Variants in ZBTB45 observed in about 807,000 individuals in gnomAD.
ZBTB45 encodes the protein zinc finger and BTB domain containing 45, also known as zinc finger and BTB domain-containing protein 45.
A neutral mutation model predicts 28.4 loss-of-function variants in ZBTB45; 22 were observed. That is an observed-to-expected ratio of 0.77 (90% CI 0.55 to 1.10). The LOEUF is 1.10. ZBTB45 is among the 50% of genes least tolerant of loss of function. ZBTB45 has a pLI of 0.00. For synonymous variants in ZBTB45, 361 were observed against 332.3 expected (o/e 1.09, Z -0.94); for missense variants, 656 against 750.2 (o/e 0.87, Z 1.47).
At chr19:58,531,040 T>C (rs1197409008) in intron 1 of ZBTB45, among the ~76,000 whole-genome samples, 1 of 152,188 alleles carries the variant, frequency 6.6e-6, no homozygotes, top group African/African-American at 2.4e-5. Flanking sequence ...TGCTGGATCG[T>C]GTTTAACTGT....
chr19:58,523,549 A>G (rs535359498), upstream of ZBTB45, among the ~76,000 whole-genome samples: 1 of 151,936 alleles, frequency 6.6e-6, no homozygotes, highest in Non-Finnish European at 1.5e-5. Context: ...CTGTAATCCC[A>G]ACTTCTCTGG....
chr19:58,529,356 A>C (rs1012558830), intron 1 of ZBTB45, among the ~76,000 whole-genome samples: 1 of 152,184 alleles, frequency 6.6e-6, no homozygotes, highest in Admixed American at 6.5e-5. Flanking sequence ...TGGCAGCCCG[A>C]GGAGGTTGAG....
At chr19:58,535,466 C>T (rs1288807137) in intron 1 of ZBTB45, among the ~76,000 whole-genome samples, 1 of 151,988 alleles carries the variant, frequency 6.6e-6, no homozygotes, top group African/African-American at 2.4e-5. Flanking sequence ...GAAACCTCGT[C>T]TCTACTAAAA....
At position 58,516,001 on chromosome 19, in the gene ZBTB45, A is replaced by G. The variant is rs1384525861; in HGVS notation, c.1279+394T>C. Among the ~76,000 whole-genome samples the G allele has an allele frequency of 3.3e-5, 5 of 152,254 alleles. No individual in the cohort carries two copies. Among genetic ancestry groups the G allele is most frequent in the South Asian group, 2.1e-4 (1 of 4,824 alleles). ...ACCCATCCTCCCTTGCTGCCAGCCTATAACGGGACAGCTGGAAACCAGAGA... is the reference window on the plus strand; with the variant it reads ...ACCCATCCTCCCTTGCTGCCAGCCTGTAACGGGACAGCTGGAAACCAGAGA... On this transcript the variant is annotated intron_variant, in intron 2 of 2. Transcript: ENST00000594051. This position sits in a 1 kb window ranked among gnomAD's most constrained non-coding sequence, Gnocchi z 6.2.
intron 1 of ZBTB45, chr19:58,519,514 A>C (rs1256195399): frequency 6.6e-6 from 1 of 152,334 alleles, no homozygotes; most frequent in Non-Finnish European, 1.5e-5. Context: ...CTTTACTCCG[A>C]GCGCGTTCTC....
chr19:58,523,998 C>A (rs1177315674), upstream of ZBTB45, among the ~76,000 whole-genome samples: 1 of 139,076 alleles, frequency 7.2e-6, no homozygotes, highest in Non-Finnish European at 1.5e-5. Flanking sequence ...CCCTTGAACC[C>A]AGGAGGTGGA....
chr19:58,518,139 C>T (rs931539919), intron 1 of ZBTB45, among the ~76,000 whole-genome samples: 1 of 152,124 alleles, frequency 6.6e-6, no homozygotes, highest in African/African-American at 2.4e-5. Context: ...GTAGACCTTG[C>T]TCTCTACCCA....
chr19:58,529,474 C>G (rs1460942129), intron 1 of ZBTB45, among the ~76,000 whole-genome samples: 1 of 152,182 alleles, frequency 6.6e-6, no homozygotes, highest in Non-Finnish European at 1.5e-5. Flanking sequence ...CTAGTATAGT[C>G]ACAATGGTGT....
At chr19:58,535,299 C>T (rs1446714957) in intron 1 of ZBTB45, among the ~76,000 whole-genome samples, 1 of 152,016 alleles carries the variant, frequency 6.6e-6, no homozygotes, top group Admixed American at 6.5e-5. Context: ...AGCCACTGCA[C>T]CCGGCCTGTT....
upstream of ZBTB45, among the ~76,000 whole-genome samples, chr19:58,522,256 G>C (rs991308402): frequency 6.6e-6 from 1 of 151,656 alleles, no homozygotes; most frequent in South Asian, 2.1e-4. Context: ...CCGCCTCACA[G>C]GTTCAAGCGA....
chr19:58,527,517 G>T (rs73066245), intron 1 of ZBTB45, among the ~76,000 whole-genome samples: 8,460 of 152,176 alleles, frequency 0.056, 325 homozygotes, highest in Non-Finnish European at 0.082. Context: ...CTTGGTCCCT[G>T]CCCTCTCCAG....
intron 1 of ZBTB45, among the ~76,000 whole-genome samples, chr19:58,527,659 C>T (rs959120267): frequency 1.2e-4 from 19 of 152,148 alleles, no homozygotes; most frequent in African/African-American, 4.1e-4. Context: ...GCAACTGAGG[C>T]AGAACAGCCA....
At chr19:58,532,960 C>T (rs113234672) in intron 1 of ZBTB45, among the ~76,000 whole-genome samples, 23,170 of 151,894 alleles carry the variant, frequency 0.15, 3,572 homozygotes, top group African/African-American at 0.39. Context: ...CCCAGCCTCC[C>T]GGTAGCTGGG....
At chr19:58,529,008 C>T (rs1175558512) in intron 1 of ZBTB45, among the ~76,000 whole-genome samples, 1 of 147,576 alleles carries the variant, frequency 6.8e-6, no homozygotes, top group Non-Finnish European at 1.5e-5. Context: ...TGCTTGAACC[C>T]GGGAGGCAGA....
chr19:58,536,293 G>A (rs1201033034), intron 1 of ZBTB45, among the ~76,000 whole-genome samples: 1 of 151,800 alleles, frequency 6.6e-6, no homozygotes, highest in Admixed American at 6.6e-5. Context: ...GTGAAACCCC[G>A]TCTCCACTAA....
At chr19:58,524,417 G>GTTCATATA (rs1216290301), upstream of ZBTB45, among the ~76,000 whole-genome samples, 2 of 142,736 alleles carry the variant, frequency 1.4e-5, no homozygotes, top group South Asian at 2.2e-4. Context: ...GTGTGTGTGT[G>GTTCATATA]TGTGTGTGTG....
Position 58,517,259 on chromosome 19 carries a change from G to C in ZBTB45, c.415C>G (p.Pro139Ala). 2 of 1,581,882 alleles carry C rather than the reference G, an allele frequency of 1.3e-6. No homozygotes were observed. Among genetic ancestry groups the C allele is most frequent in the Non-Finnish European group, 1.7e-6 (2 of 1,167,036 alleles). The change falls in exon 2 of 3, where the codon CCT (proline) becomes GCT (alanine). Residue 139 changes from proline (P) to alanine (A), a missense_variant. Pro to Ala is a conservative substitution (Grantham distance 27). Around this residue, in one of 3 missense-constraint regions of ZBTB45, gnomAD observed 448 missense variants for 444.3 expected, o/e 1.01. Coordinates refer to ENST00000594051, the MANE Select transcript of ZBTB45 (RefSeq NM_001316979.2). ...GTSAPTPLPT[P>A]VPPPLAPAQL... ...GCAGGTGCGAGTGGCGGGGGCACAG[G>C]GGTGGGCAGGGGCGTGGGCGCAGAG...
intron 1 of ZBTB45, among the ~76,000 whole-genome samples, chr19:58,526,926 C>G (rs2053611182): frequency 6.6e-6 from 1 of 152,136 alleles, no homozygotes; most frequent in African/African-American, 2.4e-5. Context: ...CTCCCAGGCT[C>G]AAGGGATCCT....
At chr19:58,533,614 A>AAC (rs1308586369) in intron 1 of ZBTB45, among the ~76,000 whole-genome samples, 1 of 152,160 alleles carries the variant, frequency 6.6e-6, no homozygotes, top group Non-Finnish European at 1.5e-5. Context: ...ACAGGAAACT[A>AAC]ACAGGAATCA....
Sources: gnomAD v4.1 joint callset for allele counts (sites outside exome capture counted in the v4.1 genomes callset) on GRCh38, gnomAD v4.1.1 for gene constraint, gnomAD v4.1.1 regional missense constraint, Gnocchi (gnomAD v3.1) non-coding constraint, MANE v1.5 for transcripts, NCBI Gene and HGNC (gene_info 2026-07-23, HGNC 2026-07-21) for gene names.